EHMT1: variants seen among roughly 807,000 people sequenced by gnomAD.
EHMT1 encodes euchromatic histone lysine methyltransferase 1, also known as histone-lysine N-methyltransferase EHMT1.
Under a neutral mutation model 147.2 loss-of-function variants are expected in EHMT1, and 15 were observed. The observed-to-expected ratio is 0.10, with a 90% confidence interval of 0.07 to 0.16. The LOEUF (loss-of-function observed/expected upper bound fraction) is 0.16, where lower values mean the gene tolerates loss of function less well. EHMT1 is among the 10% of genes least tolerant of loss of function. The probability of loss-of-function intolerance (pLI) is 1.00; values close to 1 mark genes in which losing one functional copy is unlikely to be tolerated. For synonymous variants in EHMT1, 795 were observed against 709.6 expected, an observed-to-expected ratio of 1.12 and a Z score of -1.91; for missense variants, 1,587 against 1,772.4, an observed-to-expected ratio of 0.90 and a Z score of 1.88.
chr9:137,834,674 G>T (rs1224357899), intron 26 of EHMT1, 99 bp from the exon 27 acceptor site: 2 of 1,601,372 alleles, frequency 1.2e-6, no homozygotes, highest in Non-Finnish European at 1.7e-6. Flanking sequence ...CGGCACGGCA[G>T]ATCGGGGTGA....
intron 1 of EHMT1, among the ~76,000 whole-genome samples, chr9:137,672,128 T>C (rs1417934527): frequency 1.3e-5 from 2 of 152,192 alleles, no homozygotes; most frequent in Non-Finnish European, 2.9e-5. Context: ...GATAGTGCCA[T>C]AGAGGGCGTG....
At chr9:137,712,205 C>T (rs1448909009) in intron 2 of EHMT1, among the ~76,000 whole-genome samples, 1 of 152,230 alleles carries the variant, frequency 6.6e-6, no homozygotes, top group African/African-American at 2.4e-5. Context: ...GGCTCTTCCC[C>T]CTTCTCTCCC....
rs139660387 is a variant in EHMT1 at position 137,787,363 on chromosome 9, CG to C, written c.2383-3483del. Among the ~76,000 whole-genome samples the C allele has an allele frequency of 9.4e-3, 1,432 of 152,246 alleles. 18 individuals carry two copies. The highest frequency in any genetic ancestry group is 0.031 in the African/African-American group (1,282 of 41,544). ...TCTGCCATTCGGTGACGGCTGGTGACGGATGGATGGGTAGTGGGCTGAGAAG... is the reference window on the plus strand; with the variant it reads ...TCTGCCATTCGGTGACGGCTGGTGACGATGGATGGGTAGTGGGCTGAGAAG... On this transcript the variant is annotated intron_variant, in intron 15 of 26. Transcript: ENST00000460843. This position sits in a 1 kb window ranked among gnomAD's most constrained non-coding sequence, Gnocchi z 4.2.
intron 14 of EHMT1, 58 bp downstream of exon 14, chr9:137,779,775 C>A: frequency 6.3e-7 from 1 of 1,586,404 alleles, no homozygotes; most frequent in Non-Finnish European, 8.6e-7. Context: ...CTGAAAGAAG[C>A]CGAGAGCAGT....
chr9:137,688,034 A>AT (rs1333829631), intron 1 of EHMT1, among the ~76,000 whole-genome samples: 2 of 151,932 alleles, frequency 1.3e-5, no homozygotes, highest in Admixed American at 6.6e-5. Flanking sequence ...TTGGTTTGGA[A>AT]TTTTTTTTAG....
At chr9:137,652,795 G>A (rs1166730992) in intron 1 of EHMT1, among the ~76,000 whole-genome samples, 2 of 150,628 alleles carry the variant, frequency 1.3e-5, no homozygotes, top group Admixed American at 6.6e-5. Flanking sequence ...GTGCAATCTC[G>A]GCTCACCGCA....
chr9:137,631,384 C>A (rs1476775336), intron 1 of EHMT1, among the ~76,000 whole-genome samples: 1 of 151,640 alleles, frequency 6.6e-6, no homozygotes, highest in Non-Finnish European at 1.5e-5. Flanking sequence ...AAGAGTGAAC[C>A]TCTGTCTTGG....
intron 1 of EHMT1, among the ~76,000 whole-genome samples, chr9:137,653,452 T>C (rs1938084708): frequency 6.6e-6 from 1 of 152,166 alleles, no homozygotes; most frequent in African/African-American, 2.4e-5. Flanking sequence ...ATCCTCGTAG[T>C]TAAGTGATGC....
rs1300930253 is a variant in EHMT1 at position 137,776,894 on chromosome 9, G to A, written c.2018+50G>A. The A allele has an allele frequency of 1.9e-6, 3 of 1,565,908 alleles. No individual in the cohort carries two copies. Among genetic ancestry groups the A allele is most frequent in the Admixed American group, 1.7e-5 (1 of 57,422 alleles). On this transcript the variant is annotated intron_variant, in intron 12 of 26. Coordinates refer to ENST00000460843, the MANE Select transcript of EHMT1 (RefSeq NM_024757.5). The surrounding 1 kb of genome is among the most constrained non-coding windows in gnomAD (Gnocchi z 4.4). ...GCTCTCCAGTCGTCCACCTGAAAAA[G>A]TTTCAGTTGTTAACTCAACGTTATT...
intron 1 of EHMT1, among the ~76,000 whole-genome samples, chr9:137,688,123 A>T (rs1207093484): frequency 6.6e-6 from 1 of 152,136 alleles, no homozygotes; most frequent in African/African-American, 2.4e-5. Context: ...TCCTGGGTTC[A>T]AGTGATTCTT....
chr9:137,755,889 A>G (rs1260151726), intron 8 of EHMT1, among the ~76,000 whole-genome samples: 1 of 152,168 alleles, frequency 6.6e-6, no homozygotes, highest in East Asian at 1.9e-4. Context: ...CACTTTTAAA[A>G]TCTGGTTGTT....
chr9:137,629,761 C>T (rs542102176), intron 1 of EHMT1, among the ~76,000 whole-genome samples: 2 of 152,020 alleles, frequency 1.3e-5, no homozygotes, highest in Non-Finnish European at 2.9e-5. Context: ...AACTCCTGAC[C>T]TCAGGTGATC....
chr9:137,788,190 T>A, intron 15 of EHMT1: 2 of 658,220 alleles, frequency 3.0e-6, no homozygotes, highest in Non-Finnish European at 4.9e-6. Flanking sequence ...CTGCAGAAGC[T>A]GGGCTGCTCT....
At chr9:137,809,954 C>T (rs1954291040) in intron 18 of EHMT1, among the ~76,000 whole-genome samples, 1 of 123,882 alleles carries the variant, frequency 8.1e-6, no homozygotes, top group Middle Eastern at 3.9e-3. Context: ...TCCGATGCCG[C>T]CCTGTGTGGA....
chr9:137,814,618 A>G, intron 22 of EHMT1, 110 bp downstream of exon 22: 3 of 1,259,364 alleles, frequency 2.4e-6, no homozygotes, highest in Non-Finnish European at 3.4e-6. Flanking sequence ...AGCGTCGGGA[A>G]GGAGTTGGAG....
chr9:137,807,627 CCTCCCGAGTAA>C (rs1411874831), intron 18 of EHMT1, among the ~76,000 whole-genome samples: 35 of 152,250 alleles, frequency 2.3e-4, no homozygotes, highest in Non-Finnish European at 4.3e-4. Context: ...CCTGCCTCAG[CCTCCCGAGTAA>C]CTGGAATTAC....
At chr9:137,721,638 C>T (rs983758737) in intron 3 of EHMT1, among the ~76,000 whole-genome samples, 3 of 150,424 alleles carry the variant, frequency 2.0e-5, no homozygotes, top group African/African-American at 7.4e-5. Flanking sequence ...TCTCCCACGC[C>T]TCTCACTCTT....
chr9:137,736,747 TG>T (rs1470276182), intron 4 of EHMT1, among the ~76,000 whole-genome samples: 3 of 152,058 alleles, frequency 2.0e-5, no homozygotes, highest in Non-Finnish European at 2.9e-5. Context: ...AAAAATTAGC[TG>T]GGCGTGGTGG....
In EHMT1 at chr9:137,675,787, T is replaced by TATTTTTATTTTTA. The variant is rs1230865904; in HGVS notation, c.22-35180_22-35179insATTTTTATTTTTA. ...CCAACCACGCCCGGCTAATTTTTTTTTTTTTTTTTTTTTTTAGACGGAGTC... is the reference window on the plus strand; with the variant it reads ...CCAACCACGCCCGGCTAATTTTTTTTATTTTTATTTTTATTTTTTTTTTTTTTTAGACGGAGTC... On this transcript the variant is annotated intron_variant, in intron 1 of 26. Transcript: ENST00000460843. 1.1e-4 allele frequency among the ~76,000 whole-genome samples: 14 copies of TATTTTTATTTTTA among 124,706 alleles called. No homozygotes were observed. The East Asian group carries it at 2.7e-3, about 24-fold the overall frequency. The allele number at this position is 124,706 out of a possible 152,430, so 81.8% of individuals were successfully genotyped here.
Sources: allele counts gnomAD v4.1 joint callset (sites outside exome capture counted in the v4.1 genomes callset), GRCh38; gene constraint gnomAD v4.1.1; non-coding constraint Gnocchi (gnomAD v3.1); transcripts MANE v1.5; gene names NCBI Gene and HGNC (gene_info 2026-07-23, HGNC 2026-07-21).